Variants in GABRB1 observed in about 807,000 individuals in gnomAD.
GABRB1 encodes gamma-aminobutyric acid type A receptor subunit beta1.
A neutral mutation model predicts 51.6 loss-of-function variants in GABRB1; 17 were observed. The observed-to-expected ratio is 0.33, with a 90% CI of 0.23 to 0.49. The LOEUF (loss-of-function observed/expected upper bound fraction) is 0.49, where lower values mean the gene tolerates loss of function less well. Among genes scored for constraint, GABRB1 ranks in the 20% least tolerant of loss-of-function variants. The pLI is 0.99. For missense variants in GABRB1, 410 were observed against 600.6 expected (o/e 0.68, Z 3.32); for synonymous variants, 247 against 218.9 (o/e 1.13, Z -1.14).
At chr4:47,140,240 A>G (rs528395252) in intron 3 of GABRB1, among the ~76,000 whole-genome samples, 2 of 152,112 alleles carry the variant, frequency 1.3e-5, no homozygotes, top group South Asian at 2.1e-4. Flanking sequence ...ACAATATAAA[A>G]CATTTTGTCT....
intron 5 of GABRB1, among the ~76,000 whole-genome samples, chr4:47,326,974 T>G (rs955524322): frequency 2.0e-5 from 3 of 152,192 alleles, no homozygotes; most frequent in African/African-American, 7.2e-5. Context: ...TCACTAAACC[T>G]AGTCTAGTAC....
At chr4:47,120,421 G>A (rs1715724825) in intron 3 of GABRB1, among the ~76,000 whole-genome samples, 1 of 152,184 alleles carries the variant, frequency 6.6e-6, no homozygotes, top group Admixed American at 6.5e-5. Context: ...CATGAGCCAA[G>A]GTCTGGAACT....
intron 1 of GABRB1, among the ~76,000 whole-genome samples, chr4:47,023,074 A>G (rs1485005304): frequency 2.0e-5 from 3 of 152,114 alleles, no homozygotes; most frequent in African/African-American, 4.8e-5. Context: ...ATCCAGGGAC[A>G]GAAAGACAAA....
intron 4 of GABRB1, among the ~76,000 whole-genome samples, chr4:47,307,611 A>C (rs1453421955): frequency 6.6e-6 from 1 of 152,072 alleles, no homozygotes; most frequent in Non-Finnish European, 1.5e-5. Context: ...TATGTCAACA[A>C]AGATATTAAA....
chr4:47,305,685 C>G (rs1026582174), intron 4 of GABRB1, among the ~76,000 whole-genome samples: 7 of 151,998 alleles, frequency 4.6e-5, no homozygotes, highest in Non-Finnish European at 8.8e-5. Flanking sequence ...CACCAAGATC[C>G]GTGTAAGTTG....
chr4:47,259,685 C>A (rs1454430390), intron 4 of GABRB1, among the ~76,000 whole-genome samples: 1 of 152,110 alleles, frequency 6.6e-6, no homozygotes, highest in Non-Finnish European at 1.5e-5. Context: ...AGGAATCAGA[C>A]CCAGATTTTA....
At chr4:47,049,124 G>A (rs1454739434) in intron 3 of GABRB1, among the ~76,000 whole-genome samples, 2 of 151,268 alleles carry the variant, frequency 1.3e-5, no homozygotes, top group African/African-American at 4.9e-5. Flanking sequence ...CCAAGTTTTC[G>A]TTGCTCCCTC....
chr4:47,078,913 C>T (rs112428634), intron 3 of GABRB1, among the ~76,000 whole-genome samples: 2 of 152,280 alleles, frequency 1.3e-5, no homozygotes, highest in African/African-American at 4.8e-5. Flanking sequence ...TAGAAAGAGG[C>T]TTGGCCATTC....
At chr4:47,346,003 T>G (rs1228378584) in intron 5 of GABRB1, among the ~76,000 whole-genome samples, 1 of 151,896 alleles carries the variant, frequency 6.6e-6, no homozygotes, top group Non-Finnish European at 1.5e-5. Flanking sequence ...GTGTATTTTT[T>G]GCTTATTCTT....
At chr4:47,123,405 C>T (rs1488611665) in intron 3 of GABRB1, among the ~76,000 whole-genome samples, 2 of 104,744 alleles carry the variant, frequency 1.9e-5, no homozygotes, top group East Asian at 5.9e-4. Flanking sequence ...TACATATATA[C>T]ATATATACAC....
intron 4 of GABRB1, among the ~76,000 whole-genome samples, chr4:47,224,759 A>G (rs1440796652): frequency 1.3e-5 from 2 of 152,182 alleles, no homozygotes; most frequent in East Asian, 1.9e-4. Context: ...CTTTGCCAAT[A>G]TATAAGCCCC....
chr4:47,412,082 G>T (rs1578154350), intron 8 of GABRB1, among the ~76,000 whole-genome samples: 1 of 152,130 alleles, frequency 6.6e-6, no homozygotes, highest in African/African-American at 2.4e-5. Flanking sequence ...TGGTATCGCT[G>T]TTAATTGTTC....
At chr4:47,142,537 T>C (rs1428277746) in intron 3 of GABRB1, among the ~76,000 whole-genome samples, 1 of 151,920 alleles carries the variant, frequency 6.6e-6, no homozygotes, top group Non-Finnish European at 1.5e-5. Context: ...AGCGACATTA[T>C]CAGATTCTTG....
At chr4:47,065,888 T>C (rs1727058057) in intron 3 of GABRB1, among the ~76,000 whole-genome samples, 1 of 152,254 alleles carries the variant, frequency 6.6e-6, no homozygotes. Flanking sequence ...AGAATTTATT[T>C]ATTTATATTT....
rs553838362 is a variant in GABRB1, at chr4:46,996,438, G to A, written c.-20+2512G>A. On this transcript the variant is annotated intron_variant, in intron 1 of 3. Coordinates refer to the GABRB1 transcript ENST00000513567. ...TAATACAGATAACCCAACTGCTAAC[G>A]TCTTAGGATGGACACTTTAAAGCCC... Among the ~76,000 whole-genome samples the A allele has an allele frequency of 5.9e-5, 9 of 152,160 alleles. No homozygotes were observed. The South Asian group carries it at 1.0e-3, about 18-fold the overall frequency.
intron 4 of GABRB1, among the ~76,000 whole-genome samples, chr4:47,170,190 A>AT (rs1004439555): frequency 1.3e-5 from 2 of 152,038 alleles, no homozygotes; most frequent in African/African-American, 4.8e-5. Flanking sequence ...TTTCGAATCA[A>AT]TTTTTTTATA....
intron 8 of GABRB1, among the ~76,000 whole-genome samples, chr4:47,422,800 C>G (rs1171579984): frequency 6.6e-6 from 1 of 152,094 alleles, no homozygotes; most frequent in East Asian, 1.9e-4. Flanking sequence ...TTTTTCCACC[C>G]TATACATGCA....
At chr4:47,301,290 C>T (rs1024407572) in intron 4 of GABRB1, among the ~76,000 whole-genome samples, 5 of 151,998 alleles carry the variant, frequency 3.3e-5, no homozygotes, top group African/African-American at 4.8e-5. Flanking sequence ...GGTTCATGGG[C>T]AATCAGTTTA....
At chr4:47,308,643 C>T (rs1240828635) in intron 4 of GABRB1, among the ~76,000 whole-genome samples, 1 of 151,984 alleles carries the variant, frequency 6.6e-6, no homozygotes, top group Non-Finnish European at 1.5e-5. Context: ...AATCATGTGG[C>T]AAAGCAATAG....
Sources: allele counts gnomAD v4.1 joint callset (sites outside exome capture counted in the v4.1 genomes callset), GRCh38; gene constraint gnomAD v4.1.1; transcripts MANE v1.5; gene names NCBI Gene and HGNC (gene_info 2026-07-23, HGNC 2026-07-21).